Variants in RICTOR observed in about 807,000 individuals in gnomAD.
The protein encoded by RICTOR is rapamycin-insensitive companion of mTOR.
Under a neutral mutation model 214.9 loss-of-function variants are expected in RICTOR, and 49 were observed. The observed-to-expected ratio is 0.23, with a 90% CI of 0.18 to 0.29. The LOEUF (loss-of-function observed/expected upper bound fraction) is 0.29, where lower values mean the gene tolerates loss of function less well. Ranked by LOEUF, RICTOR falls within the 10% of genes least tolerant of loss-of-function variation. The pLI is 1.00. For missense variants in RICTOR, 1,625 were observed against 2,047.0 expected (o/e 0.79, Z 3.98); for synonymous variants, 717 against 711.3 (o/e 1.01, Z -0.13).
In RICTOR at chr5:38,972,107, C is replaced by T. The variant is rs190298946; in HGVS notation, c.890-148G>A. 1.1e-5 allele frequency: 6 copies of T among 525,646 alleles called. No individual in the cohort carries two copies. In the East Asian group the frequency reaches 1.8e-4, roughly 16 times the overall value. 32.6% of individuals were successfully genotyped at this position (525,646 alleles called of 1,614,324 possible). On this transcript the variant is annotated intron_variant, in intron 10 of 37. Coordinates refer to ENST00000357387, the MANE Select transcript of RICTOR (RefSeq NM_152756.5). The stretch of plus-strand genomic sequence containing the variant: ...GGTCATCATAAGAACTATTATATAA[C>T]TGAAATATATTTGAAGCATACTCTG...
chr5:39,037,095 G>A (rs1365034117), intron 2 of RICTOR, among the ~76,000 whole-genome samples: 4 of 151,948 alleles, frequency 2.6e-5, no homozygotes, highest in South Asian at 2.1e-4. Context: ...AATGTAAAAG[G>A]ACAGAAATTA....
In RICTOR at chr5:38,941,441, C is replaced by A. The variant is rs1359551929; in HGVS notation, c.*863G>T. ...TTTAATGCTTTCCTATCCTTTAGGT[C>A]TAAACTAACAGTGCTTGTTCAAGTT... On this transcript the variant is annotated 3_prime_UTR_variant, in exon 38 of 38. Coordinates refer to ENST00000357387, the MANE Select transcript of RICTOR (RefSeq NM_152756.5). 1 of 231,666 alleles carries A rather than the reference C, an allele frequency of 4.3e-6. No homozygotes were observed. The allele number at this position is 231,666 out of a possible 1,614,324, so 14.4% of individuals were successfully genotyped here. A position where few individuals can be genotyped will look rare whatever the true frequency, so the allele number is the denominator to read the frequency against.
chr5:39,023,436 C>T (rs1486769646), intron 2 of RICTOR, among the ~76,000 whole-genome samples: 1 of 152,072 alleles, frequency 6.6e-6, no homozygotes, highest in Non-Finnish European at 1.5e-5. Flanking sequence ...GAAACAAATG[C>T]TTTAAAAATA....
At chr5:39,037,960 C>A (rs558589277) in intron 2 of RICTOR, among the ~76,000 whole-genome samples, 1 of 152,208 alleles carries the variant, frequency 6.6e-6, no homozygotes, top group South Asian at 2.1e-4. Flanking sequence ...TCCTCCCTAA[C>A]TCATTTTATG....
At chr5:38,987,756 C>A (rs1268545980) in intron 7 of RICTOR, among the ~76,000 whole-genome samples, 3 of 151,858 alleles carry the variant, frequency 2.0e-5, no homozygotes, top group Non-Finnish European at 4.4e-5. Context: ...AGCTTTTGAA[C>A]TTGTTTGCTC....
chr5:39,004,867 C>T (rs1193649119), intron 3 of RICTOR, among the ~76,000 whole-genome samples: 2 of 149,712 alleles, frequency 1.3e-5, no homozygotes, highest in South Asian at 2.1e-4. Flanking sequence ...CCGCAACCTC[C>T]GCCTCCCACG....
chr5:38,967,967 A>T lies in RICTOR; in HGVS notation c.1036T>A (p.Phe346Ile), dbSNP rs1331971499. The T allele has an allele frequency of 6.3e-7, 1 of 1,595,868 alleles. No individual in the cohort carries two copies. The highest frequency in any genetic ancestry group is 1.3e-5 in the African/African-American group (1 of 74,694). ...RLPLPVVTEEFIEALLSVDPG... is the reference protein window; with the variant it reads ...RLPLPVVTEEIIEALLSVDPG... ...CCTACACTGAGTAGTGCTTCTATGA[A>T]CTCCTCAGTCACAACAGGTAGAGGA... The change falls in exon 12 of 38, where the codon TTC (phenylalanine) becomes ATC (isoleucine). Residue 346 changes from phenylalanine (F) to isoleucine (I), a missense_variant. Physicochemically the swap from Phe to Ile is conservative, Grantham distance 21 (BLOSUM62 0). Transcript: ENST00000357387.
At chr5:39,039,230 TAATA>T (rs1275639946) in intron 2 of RICTOR, among the ~76,000 whole-genome samples, 1 of 152,154 alleles carries the variant, frequency 6.6e-6, no homozygotes, top group East Asian at 1.9e-4. Flanking sequence ...ATTCCCTATT[TAATA>T]AATGGTGCTG....
chr5:39,034,551 A>T (rs1455363343), intron 2 of RICTOR, among the ~76,000 whole-genome samples: 4 of 152,232 alleles, frequency 2.6e-5, no homozygotes, highest in Non-Finnish European at 5.9e-5. Context: ...GGGGTCAGGG[A>T]ATTCCCTTTC....
chr5:38,998,680 A>G (rs1420647111), intron 5 of RICTOR, among the ~76,000 whole-genome samples: 1 of 152,212 alleles, frequency 6.6e-6, no homozygotes, highest in Non-Finnish European at 1.5e-5. Flanking sequence ...AAAATAGAAG[A>G]AAAGATGAAG....
chr5:39,039,511 C>T (rs1757004201), intron 2 of RICTOR, among the ~76,000 whole-genome samples: 2 of 152,128 alleles, frequency 1.3e-5, no homozygotes, highest in Non-Finnish European at 1.5e-5. Flanking sequence ...AAAGAAACTA[C>T]CATCAGAGTG....
chr5:39,017,617 G>A (rs1018934851), intron 3 of RICTOR, among the ~76,000 whole-genome samples: 2 of 151,560 alleles, frequency 1.3e-5, no homozygotes, highest in Non-Finnish European at 2.9e-5. Flanking sequence ...AACAGCCAGA[G>A]TATTTTAAAA....
At chr5:39,073,681 G>A (rs941790546) in intron 2 of RICTOR, among the ~76,000 whole-genome samples, 1 of 152,154 alleles carries the variant, frequency 6.6e-6, no homozygotes, top group African/African-American at 2.4e-5. Context: ...CTGCTCCGGG[G>A]ACGGGGAGGG....
chr5:39,071,220 G>A (rs1178756218), intron 2 of RICTOR, among the ~76,000 whole-genome samples: 1 of 152,128 alleles, frequency 6.6e-6, no homozygotes, highest in Non-Finnish European at 1.5e-5. Context: ...TTTATCCTAA[G>A]TGAATATAAC....
chr5:38,963,475 CAACTG>C (rs965550537), intron 16 of RICTOR, among the ~76,000 whole-genome samples: 1 of 151,916 alleles, frequency 6.6e-6, no homozygotes, highest in African/African-American at 2.4e-5. Flanking sequence ...ATCCCAGTAT[CAACTG>C]AACAGTCTCT....
intron 7 of RICTOR, among the ~76,000 whole-genome samples, chr5:38,990,735 T>A (rs866444670): frequency 8.2e-5 from 5 of 60,706 alleles, no homozygotes; most frequent in East Asian, 5.5e-4. Context: ...ATCATATATA[T>A]GATATATATG....
At chr5:38,986,935 G>T (rs1458969636) in intron 7 of RICTOR, among the ~76,000 whole-genome samples, 3 of 152,152 alleles carry the variant, frequency 2.0e-5, no homozygotes, top group Non-Finnish European at 2.9e-5. Flanking sequence ...GCATGAAGGG[G>T]TGTTGAATAT....
intron 19 of RICTOR, among the ~76,000 whole-genome samples, chr5:38,962,037 T>C (rs1749837164): frequency 6.6e-6 from 1 of 152,056 alleles, no homozygotes; most frequent in South Asian, 2.1e-4. Flanking sequence ...TAAGACCCAC[T>C]ATACAATTGA....
At chr5:38,989,392 TA>T (rs1752421418) in intron 7 of RICTOR, among the ~76,000 whole-genome samples, 1 of 151,774 alleles carries the variant, frequency 6.6e-6, no homozygotes. Context: ...CCTACAACCA[TA>T]AAAAACTTAG....
Sources: gnomAD v4.1 joint callset for allele counts (sites outside exome capture counted in the v4.1 genomes callset) on GRCh38, gnomAD v4.1.1 for gene constraint, MANE v1.5 for transcripts, NCBI Gene and HGNC (gene_info 2026-07-23, HGNC 2026-07-21) for gene names.